Variants in SPIDR observed in about 807,000 individuals in gnomAD.
SPIDR encodes the protein scaffold protein involved in DNA repair, also known as DNA repair-scaffolding protein.
In SPIDR, 93 loss-of-function variants were observed where a neutral mutation model predicts 104.6. The ratio of observed to expected loss-of-function variants is 0.89; its 90% CI spans 0.75 to 1.06. SPIDR has a LOEUF of 1.06. Among genes scored for constraint, SPIDR ranks in the 50% least tolerant of loss-of-function variants. The pLI, the probability that SPIDR is intolerant of heterozygous loss-of-function variation, is 0.00. For missense variants in SPIDR, 1,154 were observed against 1,111.2 expected, an observed-to-expected ratio of 1.04 and a Z score of -0.55; for synonymous variants, 431 against 416.9, an observed-to-expected ratio of 1.03 and a Z score of -0.41.
At chr8:47,395,680 T>C (rs2061171189) in intron 5 of SPIDR, among the ~76,000 whole-genome samples, 1 of 152,160 alleles carries the variant, frequency 6.6e-6, no homozygotes, top group Admixed American at 6.5e-5. Flanking sequence ...TTTTTCTTTT[T>C]TATTGGCCAT....
intron 2 of SPIDR, among the ~76,000 whole-genome samples, chr8:47,283,155 C>A (rs1374421039): frequency 6.6e-6 from 1 of 152,216 alleles, no homozygotes; most frequent in Non-Finnish European, 1.5e-5. Context: ...TGTGCTCGGC[C>A]ATTTCCAGCT....
chr8:47,326,091 C>G (rs974302977), intron 5 of SPIDR, among the ~76,000 whole-genome samples: 17 of 152,190 alleles, frequency 1.1e-4, no homozygotes, highest in African/African-American at 4.1e-4. Context: ...CCTCCCCAGT[C>G]TCAGGTGATC....
rs2154495562 is a variant in SPIDR, at chr8:47,735,272, G to T, written c.2605-35G>T. ...TGTTGGGAACAGTACGTCCCAGGCT[G>T]TTTGCTTTAACCAGCGTGCCTTTTA... On this transcript the variant is annotated intron_variant, in intron 19 of 19. Coordinates refer to ENST00000297423, the MANE Select transcript of SPIDR (RefSeq NM_001080394.4). 3 of 1,607,486 alleles carry T rather than the reference G, an allele frequency of 1.9e-6. No homozygotes were observed. In the East Asian group the frequency reaches 6.7e-5, roughly 36 times the overall value.
At chr8:47,613,743 G>T (rs2063896851) in intron 10 of SPIDR, among the ~76,000 whole-genome samples, 2 of 152,238 alleles carry the variant, frequency 1.3e-5, no homozygotes, top group South Asian at 4.1e-4. Flanking sequence ...CTGATGATGA[G>T]CTTCTTTTCA....
At chr8:47,731,292 A>G (rs1393903389) in intron 19 of SPIDR, among the ~76,000 whole-genome samples, 1 of 151,686 alleles carries the variant, frequency 6.6e-6, no homozygotes, top group African/African-American at 2.4e-5. Context: ...CTCCTGGCAC[A>G]ACACCCACCA....
chr8:47,551,276 T>C (rs2154397202), intron 8 of SPIDR, among the ~76,000 whole-genome samples: 1 of 152,346 alleles, frequency 6.6e-6, no homozygotes, highest in South Asian at 2.1e-4. Context: ...AGGATGATGC[T>C]GGCCTCATAA....
intron 6 of SPIDR, among the ~76,000 whole-genome samples, chr8:47,405,183 A>G (rs1554666486): frequency 6.6e-6 from 1 of 152,010 alleles, no homozygotes; most frequent in Non-Finnish European, 1.5e-5. Context: ...GAAGGGGAAC[A>G]TCACACACCG....
At chr8:47,514,582 G>A (rs966071305) in intron 8 of SPIDR, among the ~76,000 whole-genome samples, 5 of 152,204 alleles carry the variant, frequency 3.3e-5, no homozygotes, top group Non-Finnish European at 5.9e-5. Flanking sequence ...CTGTGCTAAA[G>A]TCTGTGGAAG....
chr8:47,273,136 A>T (rs1226541444), intron 1 of SPIDR, among the ~76,000 whole-genome samples: 3 of 152,158 alleles, frequency 2.0e-5, no homozygotes, highest in Admixed American at 2.0e-4. Context: ...AGATGGTGTG[A>T]GATCACGCAG....
At chr8:47,316,290 C>A (rs1476766143) in intron 5 of SPIDR, among the ~76,000 whole-genome samples, 1 of 152,178 alleles carries the variant, frequency 6.6e-6, no homozygotes, top group Non-Finnish European at 1.5e-5. Flanking sequence ...AAGAGTAATA[C>A]TACCATATAT....
At chr8:47,607,180 G>A (rs563070348) in intron 10 of SPIDR, among the ~76,000 whole-genome samples, 1 of 152,206 alleles carries the variant, frequency 6.6e-6, no homozygotes, top group African/African-American at 2.4e-5. Flanking sequence ...ATTTTTTATT[G>A]TAATGTGAAA....
intron 11 of SPIDR, among the ~76,000 whole-genome samples, chr8:47,685,136 C>G (rs2077592173): frequency 6.6e-6 from 1 of 152,132 alleles, no homozygotes; most frequent in Non-Finnish European, 1.5e-5. Flanking sequence ...CGCTTGAACC[C>G]TGGAGGCAGA....
intron 14 of SPIDR, among the ~76,000 whole-genome samples, chr8:47,711,260 C>T (rs544953882): frequency 6.6e-6 from 1 of 152,282 alleles, no homozygotes; most frequent in Admixed American, 6.5e-5. Context: ...CTTTTGCTTT[C>T]TGTGCTCTGG....
intron 8 of SPIDR, among the ~76,000 whole-genome samples, chr8:47,535,087 C>T (rs568309040): frequency 3.9e-5 from 6 of 152,178 alleles, no homozygotes; most frequent in Non-Finnish European, 4.4e-5. Flanking sequence ...TACCAAAACT[C>T]GCACAAGGAG....
Position 47,671,585 on chromosome 8 carries a change from A to AAAATAAATAAATAAATAAATAAAT in SPIDR, c.1545-2202_1545-2179dup, listed in dbSNP as rs60133278. On this transcript the variant is annotated intron_variant, in intron 10 of 19. Transcript: ENST00000297423. ...GGGCAGCAGAGCAAGACTCCATCTC[A>AAAATAAATAAATAAATAAATAAAT]AAATAAATAAATAAATAAATAAATA... Among the ~76,000 whole-genome samples the AAAATAAATAAATAAATAAATAAAT allele has an allele frequency of 3.3e-3, 465 of 142,772 alleles. 1 individual carries two copies. Among genetic ancestry groups the AAAATAAATAAATAAATAAATAAAT allele is most frequent in the African/African-American group, 6.6e-3 (250 of 37,854 alleles). The allele number at this position is 142,772 out of a possible 152,430, so 93.7% of individuals were successfully genotyped here. A position where few individuals can be genotyped will look rare whatever the true frequency, so the allele number is the denominator to read the frequency against.
At chr8:47,575,494 A>G (rs2058975949) in intron 8 of SPIDR, among the ~76,000 whole-genome samples, 1 of 149,794 alleles carries the variant, frequency 6.7e-6, no homozygotes, top group African/African-American at 2.5e-5. Flanking sequence ...ATACAAAAAA[A>G]AAATTAGCCG....
chr8:47,368,847 A>G (rs2057604968), intron 5 of SPIDR, among the ~76,000 whole-genome samples: 3 of 152,200 alleles, frequency 2.0e-5, no homozygotes, highest in Admixed American at 2.0e-4. Context: ...AGGGAAATAA[A>G]TAGGTGAGAT....
chr8:47,481,009 G>C (rs1448979835), intron 8 of SPIDR, among the ~76,000 whole-genome samples: 2 of 152,244 alleles, frequency 1.3e-5, no homozygotes, highest in Admixed American at 6.5e-5. Context: ...GGCAAAGCCA[G>C]CTGCCATGAT....
At chr8:47,720,249 G>A (rs1563658684) in intron 16 of SPIDR, among the ~76,000 whole-genome samples, 1 of 152,196 alleles carries the variant, frequency 6.6e-6, no homozygotes, top group African/African-American at 2.4e-5. Flanking sequence ...CAGTTTTCTG[G>A]TTTGCTTCCA....
Sources: allele counts gnomAD v4.1 joint callset (sites outside exome capture counted in the v4.1 genomes callset), GRCh38; gene constraint gnomAD v4.1.1; transcripts MANE v1.5; gene names NCBI Gene and HGNC (gene_info 2026-07-23, HGNC 2026-07-21).